PSMG2: variants seen among roughly 807,000 people sequenced by gnomAD.
The protein encoded by PSMG2 is proteasome assembly chaperone 2.
PSMG2 carries 21 observed loss-of-function variants against 31.5 expected under a neutral mutation model. The observed-to-expected ratio is 0.67, with a 90% CI of 0.47 to 0.96. The LOEUF (loss-of-function observed/expected upper bound fraction) is 0.96, where lower values mean the gene tolerates loss of function less well. Ranked by LOEUF, PSMG2 falls within the 40% of genes least tolerant of loss-of-function variation. PSMG2 has a pLI of 0.00. For synonymous variants in PSMG2, 120 were observed against 110.4 expected (o/e 1.09, Z -0.54); for missense variants, 318 against 321.2 (o/e 0.99, Z 0.08).
chr18:12,699,776 C>T (rs185945751), upstream of PSMG2: 13 of 998,872 alleles, frequency 1.3e-5, no homozygotes, highest in Admixed American at 3.2e-4. Flanking sequence ...AAAGACTACA[C>T]CACATCAATA....
At chr18:12,690,623 T>C (rs911820918) in intron 1 of PSMG2, among the ~76,000 whole-genome samples, 13 of 152,042 alleles carry the variant, frequency 8.6e-5, no homozygotes, top group African/African-American at 2.9e-4. Context: ...GCCCGGCTAA[T>C]TTTTTGTGTT....
chr18:12,677,991 A>C, intron 1 of PSMG2: 1 of 700,186 alleles, frequency 1.4e-6, no homozygotes. Flanking sequence ...AATAGTAGGG[A>C]CTGTAGTTGT....
upstream of PSMG2, chr18:12,702,410 C>T: frequency 8.6e-7 from 1 of 1,156,958 alleles, no homozygotes; most frequent in Non-Finnish European, 1.3e-6. Flanking sequence ...ATGCCGCTGT[C>T]GGCCCGGGGC....
At chr18:12,702,615 G>A, upstream of PSMG2, 7 of 1,530,522 alleles carry the variant, frequency 4.6e-6, no homozygotes, top group Non-Finnish European at 6.1e-6. Context: ...GGCCCCGGCC[G>A]GGCCAGGGAG....
intron 4 of PSMG2, 82 bp from the exon 5 acceptor site, chr18:12,720,428 T>G (rs1020624222): frequency 1.7e-6 from 2 of 1,187,842 alleles, no homozygotes; most frequent in Non-Finnish European, 2.3e-6. Flanking sequence ...CAGCAGAATA[T>G]ATGGAGACCA....
At chr18:12,679,869 C>T (rs1714465361) in intron 1 of PSMG2, among the ~76,000 whole-genome samples, 1 of 151,834 alleles carries the variant, frequency 6.6e-6, no homozygotes, top group African/African-American at 2.4e-5. Flanking sequence ...TCAAGACCAG[C>T]CTAGACAACA....
intron 3 of PSMG2, 79 bp from the exon 4 acceptor site, chr18:12,718,438 T>G: frequency 4.4e-6 from 3 of 687,242 alleles, no homozygotes; most frequent in Non-Finnish European, 7.0e-6. Context: ...ATAAAGTTGA[T>G]GAAATAGTAT....
intron 1 of PSMG2, among the ~76,000 whole-genome samples, chr18:12,688,182 G>A (rs1017065577): frequency 1.5e-5 from 2 of 136,528 alleles, no homozygotes; most frequent in Non-Finnish European, 3.0e-5. Flanking sequence ...AGTGAGCCGA[G>A]ATCGTGCCAC....
intron 1 of PSMG2, chr18:12,679,156 G>C (rs1288875722): frequency 3.9e-5 from 6 of 152,002 alleles, no homozygotes; most frequent in Non-Finnish European, 8.8e-5. Context: ...AACAGCCAGA[G>C]AGGAATAATA....
intron 2 of PSMG2, among the ~76,000 whole-genome samples, chr18:12,709,936 C>T (rs1413689872): frequency 6.6e-6 from 1 of 151,284 alleles, no homozygotes; most frequent in African/African-American, 2.4e-5. Flanking sequence ...ACGCCCAGCC[C>T]TCATAAACTT....
intron 1 of PSMG2, among the ~76,000 whole-genome samples, chr18:12,691,773 T>A (rs2039772693): frequency 6.6e-6 from 1 of 151,470 alleles, no homozygotes. Flanking sequence ...TGGAGTGCAG[T>A]GGCAAGATCT....
chr18:12,665,832 C>T (rs1441257471), intron 1 of PSMG2, among the ~76,000 whole-genome samples: 2 of 152,020 alleles, frequency 1.3e-5, no homozygotes, highest in African/African-American at 4.8e-5. Context: ...CGAGTAGCTG[C>T]GATTACAGAT....
chr18:12,676,852 G>A (rs941378308), intron 1 of PSMG2, among the ~76,000 whole-genome samples: 1 of 152,218 alleles, frequency 6.6e-6, no homozygotes, highest in Non-Finnish European at 1.5e-5. Context: ...CAGAGAACAT[G>A]TTTGATAAAT....
intron 1 of PSMG2, among the ~76,000 whole-genome samples, chr18:12,677,602 A>T (rs1687838428): frequency 6.6e-6 from 1 of 152,118 alleles, no homozygotes; most frequent in Non-Finnish European, 1.5e-5. Context: ...ATATGAAAAA[A>T]GTATAACCCA....
chr18:12,715,713 C>T (rs2040370055), intron 3 of PSMG2, among the ~76,000 whole-genome samples: 1 of 152,166 alleles, frequency 6.6e-6, no homozygotes, highest in African/African-American at 2.4e-5. Flanking sequence ...GCCATGTTGG[C>T]TAGGCTGGTC....
chr18:12,709,599 A>G (rs1598680849), intron 2 of PSMG2, among the ~76,000 whole-genome samples: 1 of 150,794 alleles, frequency 6.6e-6, no homozygotes, highest in East Asian at 2.0e-4. Context: ...CCCGGGTTCA[A>G]GCAATTCTCT....
chr18:12,702,451 G>C, upstream of PSMG2: 5 of 1,526,664 alleles, frequency 3.3e-6, no homozygotes, highest in Non-Finnish European at 4.5e-6. Flanking sequence ...TTATGGGTCG[G>C]CCCGGCGGTC....
intron 5 of PSMG2, among the ~76,000 whole-genome samples, chr18:12,721,432 G>A (rs534110796): frequency 6.6e-5 from 10 of 151,908 alleles, no homozygotes; most frequent in Middle Eastern, 6.8e-3. Context: ...ATATTTAAGC[G>A]TACAATCAAG....
intron 5 of PSMG2, 107 bp downstream of exon 5, chr18:12,720,790 ACT>A (rs976546664): frequency 1.3e-5 from 15 of 1,118,382 alleles, no homozygotes; most frequent in South Asian, 3.8e-5. Context: ...ACAGAGCAAG[ACT>A]CTGTCTCAAA....
Sources: allele counts gnomAD v4.1 joint callset (sites outside exome capture counted in the v4.1 genomes callset), GRCh38; gene constraint gnomAD v4.1.1; transcripts MANE v1.5; gene names NCBI Gene and HGNC (gene_info 2026-07-23, HGNC 2026-07-21).